Variants in AR observed in about 807,000 individuals in gnomAD.
AR encodes androgen receptor.
AR carries 8 observed loss-of-function variants against 53.9 expected under a neutral mutation model. The ratio of observed to expected loss-of-function variants is 0.15; its 90% CI spans 0.09 to 0.27. The LOEUF is 0.27. Ranked by LOEUF, AR falls within the 10% of genes least tolerant of loss-of-function variation. The pLI, the probability that AR is intolerant of heterozygous loss-of-function variation, is 1.00. For synonymous variants in AR, 359 were observed against 316.4 expected, an observed-to-expected ratio of 1.13 and a Z score of -1.43; for missense variants, 639 against 742.5, an observed-to-expected ratio of 0.86 and a Z score of 1.62.
At chrX:67,623,065 G>A (rs554495624) in intron 1 of AR, among the ~76,000 whole-genome samples, 3 of 111,180 alleles carry the variant, frequency 2.7e-5, no homozygotes, top group African/African-American at 6.5e-5. Flanking sequence ...CTTTCTTCAC[G>A]ATGGGGACTA....
intron 3 of AR, among the ~76,000 whole-genome samples, chrX:67,702,363 C>T (rs2076046235): frequency 9.0e-6 from 1 of 111,242 alleles, no homozygotes; most frequent in Non-Finnish European, 1.9e-5. Context: ...TGTAGGCCAC[C>T]AGTCTGTGGA....
intron 3 of AR, chrX:67,695,599 A>G (rs956008847): frequency 1.2e-5 from 9 of 751,668 alleles, no homozygotes; most frequent in African/African-American, 4.7e-5. Context: ...TCTCTGCTCC[A>G]TAGCTTCCAT....
At position 67,728,957 on chromosome X, in the gene AR, C is replaced by T. The variant is rs1321720184; in HGVS notation, c.*5116C>T. The T allele has an allele frequency of 2.9e-5, 5 of 172,470 alleles. No individual in the cohort carries two copies. The highest frequency in any genetic ancestry group is 1.5e-4 in the African/African-American group (5 of 33,690). The allele number at this position is 172,470 out of a possible 1,213,427, so 14.2% of individuals were successfully genotyped here. A position where few individuals can be genotyped will look rare whatever the true frequency, so the allele number is the denominator to read the frequency against. ...CCCAAACTTGGGGCCAAAAGCCTAC[C>T]CAAGTGATTGACCAGTGGCCCCCTA... On this transcript the variant is annotated 3_prime_UTR_variant, in exon 8 of 8. Coordinates refer to ENST00000374690, the MANE Select transcript of AR (RefSeq NM_000044.6).
At chrX:67,633,291 C>T (rs1047384892) in intron 1 of AR, among the ~76,000 whole-genome samples, 3 of 111,628 alleles carry the variant, frequency 2.7e-5, no homozygotes, top group African/African-American at 9.8e-5. Context: ...TCCTCCTACC[C>T]TCCACCATCA....
At chrX:67,638,650 C>T (rs1925581045) in intron 1 of AR, among the ~76,000 whole-genome samples, 1 of 111,916 alleles carries the variant, frequency 8.9e-6, no homozygotes, top group South Asian at 3.7e-4. Flanking sequence ...ATTTCCTTCA[C>T]CCACTTTTTG....
intron 1 of AR, among the ~76,000 whole-genome samples, chrX:67,639,071 G>A (rs1270533797): frequency 1.8e-5 from 2 of 111,846 alleles, no homozygotes; most frequent in East Asian, 5.6e-4. Flanking sequence ...TATTAAATAG[G>A]GAATCCTTTC....
At chrX:67,634,106 C>G (rs1424587085) in intron 1 of AR, among the ~76,000 whole-genome samples, 1 of 111,433 alleles carries the variant, frequency 9.0e-6, no homozygotes, top group Non-Finnish European at 1.9e-5. Flanking sequence ...TATTATATGG[C>G]TTTGGCAGTT....
chrX:67,700,588 G>A (rs1433191669), intron 3 of AR, among the ~76,000 whole-genome samples: 1 of 111,779 alleles, frequency 8.9e-6, no homozygotes, highest in Admixed American at 9.5e-5. Context: ...GGGCCACTGT[G>A]GTCACAGGGA....
At position 67,726,054 on chromosome X, in the gene AR, G is replaced by C. The variant is rs1220658366; in HGVS notation, c.*2213G>C. ...ATTCACTCTGTTTGTTGAGAGGATA[G>C]TTTCTGAGTGACATGATATGATCCA... On this transcript the variant is annotated 3_prime_UTR_variant, in exon 8 of 8. Coordinates refer to ENST00000374690, the MANE Select transcript of AR (RefSeq NM_000044.6). 5.7e-6 allele frequency: 1 copy of C among 174,389 alleles called. No homozygotes were observed. The highest frequency in any genetic ancestry group is 1.1e-5 in the Non-Finnish European group (1 of 91,539). 14.4% of individuals were successfully genotyped at this position (174,389 alleles called of 1,213,427 possible). A position where few individuals can be genotyped will look rare whatever the true frequency, so the allele number is the denominator to read the frequency against.
At chrX:67,603,091 C>T (rs1923456036) in intron 1 of AR, among the ~76,000 whole-genome samples, 1 of 111,485 alleles carries the variant, frequency 9.0e-6, no homozygotes, top group Non-Finnish European at 1.9e-5. Context: ...CTTTGATACA[C>T]AAATGAATAG....
intron 3 of AR, among the ~76,000 whole-genome samples, chrX:67,706,495 C>T (rs2076068373): frequency 9.0e-6 from 1 of 111,246 alleles, no homozygotes; most frequent in African/African-American, 3.3e-5. Context: ...GTGGTGATCT[C>T]CCCTTTATCA....
At chrX:67,668,137 G>A (rs907415514) in intron 2 of AR, among the ~76,000 whole-genome samples, 2 of 111,715 alleles carry the variant, frequency 1.8e-5, no homozygotes, top group African/African-American at 6.5e-5. Flanking sequence ...TCCTTGTTTT[G>A]TTTCAGATCT....
chrX:67,678,875 A>G (rs185202683), intron 2 of AR, among the ~76,000 whole-genome samples: 37 of 111,833 alleles, frequency 3.3e-4, no homozygotes, highest in African/African-American at 1.1e-3. Flanking sequence ...AGGGACTGGG[A>G]GGCAGTTGAC....
intron 1 of AR, among the ~76,000 whole-genome samples, chrX:67,561,928 G>GTTTTT (rs757161392): frequency 2.6e-5 from 2 of 78,279 alleles, no homozygotes; most frequent in Non-Finnish European, 4.7e-5. Context: ...AACGAAAGAG[G>GTTTTT]TTTTTTTTTT....
chrX:67,703,246 T>A (rs2076050345), intron 3 of AR, among the ~76,000 whole-genome samples: 1 of 111,884 alleles, frequency 8.9e-6, no homozygotes, highest in Non-Finnish European at 1.9e-5. Flanking sequence ...GTTAAAGGGA[T>A]TAAAGTGGTT....
chrX:67,561,951 T>G (rs1921335100), intron 1 of AR, among the ~76,000 whole-genome samples: 1 of 93,105 alleles, frequency 1.1e-5, no homozygotes, highest in East Asian at 3.3e-4. Flanking sequence ...TTTTTTTTTT[T>G]TTTTGAGATG....
chrX:67,603,207 G>A (rs1026641811), intron 1 of AR, among the ~76,000 whole-genome samples: 13 of 111,482 alleles, frequency 1.2e-4, no homozygotes, highest in African/African-American at 2.9e-4. Context: ...TATGGAGCCT[G>A]GAAAACTGTT....
intron 1 of AR, among the ~76,000 whole-genome samples, chrX:67,617,928 G>C (rs1369863428): frequency 2.7e-5 from 3 of 111,828 alleles, no homozygotes; most frequent in Non-Finnish European, 5.6e-5. Context: ...AACTAGGAAA[G>C]TGCTATGCCA....
intron 1 of AR, among the ~76,000 whole-genome samples, chrX:67,640,922 A>G (rs1309492259): frequency 9.0e-6 from 1 of 110,743 alleles, no homozygotes; most frequent in Non-Finnish European, 1.9e-5. Flanking sequence ...TTCTTATATC[A>G]TTTATTATCT....
Sources: allele counts gnomAD v4.1 joint callset (sites outside exome capture counted in the v4.1 genomes callset), GRCh38; gene constraint gnomAD v4.1.1; transcripts MANE v1.5; gene names NCBI Gene and HGNC (gene_info 2026-07-23, HGNC 2026-07-21).